Variants in ATRX observed in about 807,000 individuals in gnomAD.
The protein encoded by ATRX is ATRX chromatin remodeler, also known as chromatin remodeler ATRX.
A neutral mutation model predicts 172.6 loss-of-function variants in ATRX; 12 were observed. That is an observed-to-expected ratio of 0.07 (90% CI 0.04 to 0.11). ATRX has a LOEUF of 0.11. ATRX is among the 10% of genes least tolerant of loss of function. ATRX has a pLI of 1.00. For synonymous variants in ATRX, 674 were observed against 594.7 expected (o/e 1.13, Z -1.94); for missense variants, 1,368 against 1,767.4 (o/e 0.77, Z 4.05).
At chrX:77,679,631 G>C (rs953679607) in intron 9 of ATRX, among the ~76,000 whole-genome samples, 2 of 111,683 alleles carry the variant, frequency 1.8e-5, no homozygotes, top group Non-Finnish European at 3.8e-5. Flanking sequence ...AATAAATCAA[G>C]TGAGATCTTA....
At position 77,626,168 on chromosome X, in the gene ATRX, G is replaced by A. The variant is rs782012770; in HGVS notation, c.5135-5636C>T. Among the ~76,000 whole-genome samples, 3 of 102,001 alleles carry A rather than the reference G, an allele frequency of 2.9e-5. No homozygotes were observed. The South Asian group carries it at 1.4e-3, about 48-fold the overall frequency. The allele number at this position is 102,001 out of a possible 115,157, so 88.6% of individuals were successfully genotyped here. On this transcript the variant is annotated intron_variant, in intron 19 of 34. Coordinates refer to ENST00000373344, the MANE Select transcript of ATRX (RefSeq NM_000489.6). The stretch of plus-strand genomic sequence containing the variant: ...ATGAGACTTGGGACTATTATTCTAA[G>A]TGAAGTAACTCAGGAATAGAAAAGC...
intron 2 of ATRX, among the ~76,000 whole-genome samples, chrX:77,707,145 T>A (rs782471835): frequency 8.9e-6 from 1 of 112,037 alleles, no homozygotes; most frequent in South Asian, 3.7e-4. Flanking sequence ...TATACGTATA[T>A]GAAGTTCCTA....
chrX:77,670,876 G>A (rs1432759046), intron 10 of ATRX, among the ~76,000 whole-genome samples: 2 of 107,389 alleles, frequency 1.9e-5, no homozygotes, highest in Admixed American at 2.0e-4. Flanking sequence ...GGCCAGGCAC[G>A]GTGGCTCATG....
chrX:77,678,357 TTAC>T (rs1391088305), intron 9 of ATRX, among the ~76,000 whole-genome samples: 1 of 112,301 alleles, frequency 8.9e-6, no homozygotes, highest in Non-Finnish European at 1.9e-5. Context: ...CACTCCCTCT[TTAC>T]TACACCTTTC....
At chrX:77,678,269 T>C (rs782398820) in intron 9 of ATRX, among the ~76,000 whole-genome samples, 3 of 109,032 alleles carry the variant, frequency 2.8e-5, no homozygotes, top group East Asian at 5.7e-4. Context: ...GATTTCATAA[T>C]ATCCCAGCAA....
intron 4 of ATRX, 114 bp from the exon 5 acceptor site, chrX:77,696,818 T>A (rs1291427747): frequency 1.3e-6 from 1 of 754,891 alleles, no homozygotes; most frequent in African/African-American, 2.1e-5. Flanking sequence ...AGGAAGCACA[T>A]CAGAATCACC....
intron 8 of ATRX, 59 bp from the exon 9 acceptor site, chrX:77,684,652 G>C (rs898833731): frequency 9.2e-7 from 1 of 1,091,026 alleles, no homozygotes; most frequent in Non-Finnish European, 1.3e-6. Context: ...GAAAAGATAT[G>C]TAAAAAAATA....
At chrX:77,512,483 TATC>T (rs2062902370) in intron 34 of ATRX, among the ~76,000 whole-genome samples, 2 of 112,856 alleles carry the variant, frequency 1.8e-5, no homozygotes, top group Admixed American at 9.3e-5. Context: ...CAATCAGTGT[TATC>T]ATCAGCTTAA....
Position 77,508,210 on chromosome X carries a change from A to T in ATRX, c.*141T>A. Reference sequence around the variant, plus strand: ...AATGGTATGCCCTATTTAAAAAAAAAAAAAGTAAAACTAATATGGAAGATT... The same window carrying T: ...AATGGTATGCCCTATTTAAAAAAAATAAAAGTAAAACTAATATGGAAGATT... On this transcript the variant is annotated 3_prime_UTR_variant, in exon 35 of 35. Transcript: ENST00000373344. 1 of 781,919 alleles carries T rather than the reference A, an allele frequency of 1.3e-6. No individual in the cohort carries two copies. The highest frequency in any genetic ancestry group is 2.7e-5 in the South Asian group (1 of 36,742). 64.4% of individuals were successfully genotyped at this position (781,919 alleles called of 1,213,427 possible).
At chrX:77,566,618 T>C (rs113402042) in intron 28 of ATRX, among the ~76,000 whole-genome samples, 14 of 110,973 alleles carry the variant, frequency 1.3e-4, no homozygotes, top group African/African-American at 3.6e-4. Context: ...CCAGGTGTGG[T>C]GGTGCCCACC....
At chrX:77,702,384 A>T (rs1409327118) in intron 2 of ATRX, among the ~76,000 whole-genome samples, 2 of 112,187 alleles carry the variant, frequency 1.8e-5, no homozygotes, top group Non-Finnish European at 3.8e-5. Context: ...CAGAGGTTGC[A>T]GTGAGCCAAG....
intron 30 of ATRX, among the ~76,000 whole-genome samples, chrX:77,533,040 A>G (rs2063632500): frequency 8.9e-6 from 1 of 112,524 alleles, no homozygotes; most frequent in African/African-American, 3.2e-5. Context: ...TATGAAAAAA[A>G]GCTCATCATC....
chrX:77,604,059 G>T lies in ATRX; in HGVS notation c.5567-3495C>A, dbSNP rs1163045303. Among the ~76,000 whole-genome samples the T allele has an allele frequency of 2.7e-5, 3 of 112,394 alleles. No homozygotes were observed. In the East Asian group the frequency reaches 8.3e-4, roughly 31 times the overall value. ...AGTAAACCTAGAGAAGTAACCTAGA[G>T]AAAGTAAACCTGGAGAAAATCATTC... is the stretch of plus-strand genomic sequence containing the variant. On this transcript the variant is annotated intron_variant, in intron 22 of 34. Transcript: ENST00000373344.
intron 1 of ATRX, among the ~76,000 whole-genome samples, chrX:77,737,566 T>C (rs1426123990): frequency 1.8e-5 from 2 of 110,156 alleles, no homozygotes; most frequent in Admixed American, 9.7e-5. Context: ...ATTTACTGTA[T>C]TAAATTAATT....
chrX:77,729,551 T>C (rs1194895328), intron 1 of ATRX, among the ~76,000 whole-genome samples: 1 of 112,318 alleles, frequency 8.9e-6, no homozygotes, highest in East Asian at 2.8e-4. Flanking sequence ...AAAAACATCA[T>C]TTTTCTAAGA....
In ATRX at chrX:77,684,861, C is replaced by A. The variant is rs975481519; in HGVS notation, c.662+78G>T. ...ACATCAATGACGATACTATGAAAGA[C>A]AAACCTCATAAATGATTATGTAACA... On this transcript the variant is annotated intron_variant, in intron 8 of 34. Coordinates refer to ENST00000373344, the MANE Select transcript of ATRX (RefSeq NM_000489.6). 31 of 942,142 alleles carry A rather than the reference C, an allele frequency of 3.3e-5. No homozygotes were observed. In the South Asian group the frequency reaches 4.0e-4, roughly 12 times the overall value. The allele number at this position is 942,142 out of a possible 1,213,427, so 77.6% of individuals were successfully genotyped here.
At chrX:77,755,287 T>C (rs1270517790) in intron 1 of ATRX, among the ~76,000 whole-genome samples, 1 of 112,218 alleles carries the variant, frequency 8.9e-6, no homozygotes, top group African/African-American at 3.2e-5. Flanking sequence ...CATGCTCCTT[T>C]AGCTCAGAGG....
In ATRX at chrX:77,764,824, G is replaced by A. The variant is rs782769288; in HGVS notation, c.20+21158C>T. On this transcript the variant is annotated intron_variant, in intron 1 of 34. Transcript: ENST00000373344. Reference sequence around the variant, plus strand: ...ACTACACAAATTCAATGTAGAAACTGCATTTCACAATAAAGAACAGATACA... The same window carrying A: ...ACTACACAAATTCAATGTAGAAACTACATTTCACAATAAAGAACAGATACA... Among the ~76,000 whole-genome samples the A allele has an allele frequency of 1.4e-4, 16 of 112,095 alleles. No individual in the cohort carries two copies. In the South Asian group the frequency reaches 5.9e-3, roughly 41 times the overall value.
chrX:77,654,620 A>G (rs1300473844), intron 13 of ATRX, among the ~76,000 whole-genome samples: 1 of 111,838 alleles, frequency 8.9e-6, no homozygotes, highest in Non-Finnish European at 1.9e-5. Context: ...TGGGCTTAGA[A>G]ATTGGTACAC....
Sources: allele counts gnomAD v4.1 joint callset (sites outside exome capture counted in the v4.1 genomes callset), GRCh38; gene constraint gnomAD v4.1.1; transcripts MANE v1.5; gene names NCBI Gene and HGNC (gene_info 2026-07-23, HGNC 2026-07-21).